PATJ: variants seen among roughly 807,000 people sequenced by gnomAD.
The protein encoded by PATJ is PATJ crumbs cell polarity complex component, also known as inaD-like protein.
Under a neutral mutation model 224.9 loss-of-function variants are expected in PATJ, and 190 were observed. That is an observed-to-expected ratio of 0.84 (90% CI 0.75 to 0.95). The LOEUF (loss-of-function observed/expected upper bound fraction) is 0.95. PATJ is among the 40% of genes least tolerant of loss of function. The pLI, the probability that PATJ is intolerant of heterozygous loss-of-function variation, is 0.00. For synonymous variants in PATJ, 769 were observed against 820.3 expected (o/e 0.94, Z 1.07); for missense variants, 2,121 against 2,270.3 (o/e 0.93, Z 1.34).
At position 61,769,416 on chromosome 1, in the gene PATJ, C is replaced by T. The variant is rs1276637442; in HGVS notation, c.518C>T (p.Ala173Val). 2 of 1,612,992 alleles carry T rather than the reference C, an allele frequency of 1.2e-6. No homozygotes were observed. Among genetic ancestry groups the T allele is most frequent in the African/African-American group, 2.7e-5 (2 of 74,810 alleles). ...AAGGATGTCCAGCCAGGGAGTGTAGCAGACAGGTGAGGAAGCTGTTTATTT... is the reference window on the plus strand; with the variant it reads ...AAGGATGTCCAGCCAGGGAGTGTAGTAGACAGGTGAGGAAGCTGTTTATTT... ...FVKDVQPGSV[A>V]DRDQRLKEND... Residue 173 changes from alanine to valine, a missense_variant, in exon 5 of 44, where the codon GCA (alanine) becomes GTA (valine). Coordinates refer to ENST00000642238, the MANE Select transcript of PATJ (RefSeq NM_001350145.3).
intron 24 of PATJ, 42 bp from the exon 25 acceptor site, chr1:61,908,330 C>A: frequency 7.8e-7 from 1 of 1,285,988 alleles, no homozygotes; most frequent in South Asian, 1.2e-5. Context: ...TCCACAATAT[C>A]TAGTGCTGTT....
intron 17 of PATJ, among the ~76,000 whole-genome samples, chr1:61,839,727 T>C (rs1660769183): frequency 6.6e-6 from 1 of 152,130 alleles, no homozygotes; most frequent in Admixed American, 6.6e-5. Flanking sequence ...CTTGGTACTT[T>C]TTGAATTTCA....
chr1:61,809,471 T>A (rs1173099279), intron 14 of PATJ, among the ~76,000 whole-genome samples: 1 of 149,828 alleles, frequency 6.7e-6, no homozygotes, highest in Non-Finnish European at 1.5e-5. Context: ...CACCGCAACC[T>A]CTGCCTCCCG....
rs1348724354 is a variant in PATJ, at chr1:61,854,851, T to C, written c.2113-1179T>C. Among the ~76,000 whole-genome samples, 3 of 152,232 alleles carry C rather than the reference T, an allele frequency of 2.0e-5. No individual in the cohort carries two copies. The East Asian group carries it at 5.8e-4, about 29-fold the overall frequency. On this transcript the variant is annotated intron_variant, in intron 17 of 43. Transcript: ENST00000642238. ...ATTAACCAGATGTATTGAATGTCAA[T>C]GTTGTCCTCGGTGTTTAATATCAAG...
rs150565617 is a variant in PATJ at position 61,944,710 on chromosome 1, C to G, written c.3670+16881C>G. Among the ~76,000 whole-genome samples, 875 of 152,252 alleles carry G rather than the reference C, an allele frequency of 5.7e-3. 6 individuals carry two copies. The highest frequency in any genetic ancestry group is 0.019 in the African/African-American group (784 of 41,536). ...AGGGAGGCAGGCCAACATTCAAATT[C>G]AGGAAATACAGAGAACACCACAAAG... On this transcript the variant is annotated intron_variant, in intron 27 of 43. Transcript: ENST00000642238.
At chr1:61,997,998 A>ATT (rs56007673) in intron 28 of PATJ, among the ~76,000 whole-genome samples, 10 of 92,666 alleles carry the variant, frequency 1.1e-4, no homozygotes, top group Non-Finnish European at 1.6e-4. Flanking sequence ...ATGTATATAT[A>ATT]ATATATTATA....
intron 34 of PATJ, among the ~76,000 whole-genome samples, chr1:62,111,602 A>G (rs1437957128): frequency 6.6e-6 from 1 of 152,108 alleles, no homozygotes; most frequent in African/African-American, 2.4e-5. Context: ...AGGGTTTCAT[A>G]TAGCCAGGAA....
chr1:61,796,736 CTTTCTTT>C (rs1651348367), intron 10 of PATJ, among the ~76,000 whole-genome samples: 1 of 72,728 alleles, frequency 1.4e-5, no homozygotes, highest in African/African-American at 4.7e-5. Flanking sequence ...TTCTTTCTTT[CTTTCTTT>C]TTTTTCTTCC....
intron 28 of PATJ, among the ~76,000 whole-genome samples, chr1:61,992,666 C>G (rs143469794): frequency 6.6e-6 from 1 of 152,194 alleles, no homozygotes; most frequent in African/African-American, 2.4e-5. Flanking sequence ...ATATCCAGAC[C>G]AACAGGAGCA....
chr1:61,946,445 G>A (rs1273833419), intron 27 of PATJ, among the ~76,000 whole-genome samples: 2 of 152,154 alleles, frequency 1.3e-5, no homozygotes, highest in Non-Finnish European at 2.9e-5. Flanking sequence ...ACACCTCTAT[G>A]CAAATAAACT....
chr1:61,995,523 C>T (rs1243508430), intron 28 of PATJ, among the ~76,000 whole-genome samples: 1 of 152,166 alleles, frequency 6.6e-6, no homozygotes, highest in Non-Finnish European at 1.5e-5. Flanking sequence ...CTGTCCATGA[C>T]ACACTTTTGG....
chr1:61,939,344 C>G (rs1383843669), intron 27 of PATJ, among the ~76,000 whole-genome samples: 1 of 107,470 alleles, frequency 9.3e-6, no homozygotes, highest in Non-Finnish European at 1.8e-5. Flanking sequence ...CACACACACA[C>G]AGTCAGAAGA....
At chr1:61,866,975 G>A (rs372740508) in intron 20 of PATJ, among the ~76,000 whole-genome samples, 2 of 152,286 alleles carry the variant, frequency 1.3e-5, no homozygotes, top group Admixed American at 6.5e-5. Context: ...CTGTCATGGC[G>A]CTGGTGGGAG....
chr1:61,956,643 G>A (rs1373499888), intron 27 of PATJ, among the ~76,000 whole-genome samples: 1 of 152,208 alleles, frequency 6.6e-6, no homozygotes, highest in Non-Finnish European at 1.5e-5. Context: ...TATACCTGCA[G>A]GGATAAAACA....
chr1:62,103,287 CAG>C (rs1273740820), intron 33 of PATJ, among the ~76,000 whole-genome samples: 1 of 152,170 alleles, frequency 6.6e-6, no homozygotes, highest in African/African-American at 2.4e-5. Flanking sequence ...TTAGAAGCTG[CAG>C]AGACCTAGTC....
At position 61,843,781 on chromosome 1, in the gene PATJ, T is replaced by C. The variant is rs183856515; in HGVS notation, c.2112+9996T>C. 2.9e-3 allele frequency among the ~76,000 whole-genome samples: 444 copies of C among 152,094 alleles called. 2 individuals carry two copies. Among genetic ancestry groups the C allele is most frequent in the African/African-American group, 0.01 (428 of 41,502 alleles). On this transcript the variant is annotated intron_variant, in intron 17 of 43. Coordinates refer to ENST00000642238, the MANE Select transcript of PATJ (RefSeq NM_001350145.3). ...TTTCTTAACTCAAAATAATCAGTGT[T>C]CCTATTATATTTACTGAAAAATGAT...
chr1:61,981,300 A>G (rs960902465), intron 27 of PATJ, among the ~76,000 whole-genome samples: 2 of 151,928 alleles, frequency 1.3e-5, no homozygotes, highest in Non-Finnish European at 2.9e-5. Flanking sequence ...CCTTGTTACA[A>G]AGATTCCTAA....
intron 24 of PATJ, among the ~76,000 whole-genome samples, chr1:61,908,053 G>A (rs1228967256): frequency 6.6e-6 from 1 of 152,106 alleles, no homozygotes; most frequent in East Asian, 1.9e-4. Context: ...ATTATGTACT[G>A]TGCTCCTGGC....
chr1:61,795,679 A>T (rs1650943846), intron 10 of PATJ, 121 bp downstream of exon 10: 3 of 551,440 alleles, frequency 5.4e-6, no homozygotes, highest in South Asian at 3.3e-5. Context: ...TAAAAAATTA[A>T]GTTTGTTATA....
Sources: gnomAD v4.1 joint callset for allele counts (sites outside exome capture counted in the v4.1 genomes callset) on GRCh38, gnomAD v4.1.1 for gene constraint, MANE v1.5 for transcripts, NCBI Gene and HGNC (gene_info 2026-07-23, HGNC 2026-07-21) for gene names.